Variants in GATA6 observed in about 807,000 individuals in gnomAD.
GATA6 encodes the protein transcription factor GATA-6.
Under a neutral mutation model 48.1 loss-of-function variants are expected in GATA6, and 11 were observed. The observed-to-expected ratio is 0.23, with a 90% CI of 0.14 to 0.38. The LOEUF (loss-of-function observed/expected upper bound fraction) is 0.38, where lower values mean the gene tolerates loss of function less well. GATA6 is among the 10% of genes least tolerant of loss of function. The pLI is 1.00. For missense variants in GATA6, 795 were observed against 850.3 expected, an observed-to-expected ratio of 0.93 and a Z score of 0.81; for synonymous variants, 419 against 396.1, an observed-to-expected ratio of 1.06 and a Z score of -0.69.
intron 2 of GATA6, 47 bp from the exon 3 acceptor site, chr18:22,176,908 G>T: frequency 1.3e-6 from 2 of 1,513,558 alleles, no homozygotes; most frequent in Non-Finnish European, 8.8e-7. Flanking sequence ...GGGGAGGGAC[G>T]GGTCCGGCGC....
intron 6 of GATA6, among the ~76,000 whole-genome samples, chr18:22,200,200 T>TGCGC (rs1555630699): frequency 4.7e-5 from 7 of 147,770 alleles, no homozygotes; most frequent in Non-Finnish European, 7.5e-5. Flanking sequence ...TGTGTGTGTG[T>TGCGC]GCGCGCGCAC....
intron 2 of GATA6, chr18:22,176,675 A>G: frequency 5.2e-6 from 2 of 382,376 alleles, no homozygotes; most frequent in South Asian, 2.9e-5. Flanking sequence ...CCCACCGCTC[A>G]TCTCGGACTC....
chr18:22,187,233 C>A (rs2033274007), intron 6 of GATA6, among the ~76,000 whole-genome samples: 1 of 152,126 alleles, frequency 6.6e-6, no homozygotes, highest in African/African-American at 2.4e-5. Flanking sequence ...TTAATCCCAG[C>A]ACTTTGGGAG....
chr18:22,175,949 T>TA (rs1321657368), intron 2 of GATA6, among the ~76,000 whole-genome samples: 1 of 152,232 alleles, frequency 6.6e-6, no homozygotes, highest in East Asian at 1.9e-4. Context: ...GGTCTATACT[T>TA]ACAATAAGTA....
At chr18:22,189,883 A>G (rs1035091210) in intron 6 of GATA6, among the ~76,000 whole-genome samples, 6 of 151,708 alleles carry the variant, frequency 4.0e-5, no homozygotes, top group Non-Finnish European at 5.9e-5. Context: ...TTTATTTTTT[A>G]CTCCTCCTTC....
rs2033216808 is a variant in GATA6, at chr18:22,182,936, G to A, written c.1517-4G>A. On this transcript the variant is annotated splice_region_variant and splice_polypyrimidine_tract_variant and intron_variant, in intron 5 of 6. Transcript: ENST00000269216. ...ATTTATAAGGTTTATTTTGACTGTTGCAGGTAATAGCAATAATTCCATTCC... is the reference window on the plus strand; with the variant it reads ...ATTTATAAGGTTTATTTTGACTGTTACAGGTAATAGCAATAATTCCATTCC... 3.7e-6 allele frequency: 6 copies of A among 1,611,594 alleles called. No individual in the cohort carries two copies. Among genetic ancestry groups the A allele is most frequent in the South Asian group, 2.2e-5 (2 of 91,028 alleles).
intron 6 of GATA6, 94 bp from the exon 7 acceptor site, chr18:22,200,562 C>G (rs2033447538): frequency 6.6e-7 from 1 of 1,512,318 alleles, no homozygotes; most frequent in Non-Finnish European, 9.2e-7. Context: ...CCTGGCTGCA[C>G]AGACCCGTTC....
Position 22,201,599 on chromosome 18 carries a change from A to T in GATA6, c.*776A>T, listed in dbSNP as rs1414745858. On this transcript the variant is annotated 3_prime_UTR_variant, in exon 7 of 7. Coordinates refer to ENST00000269216, the MANE Select transcript of GATA6 (RefSeq NM_005257.6). Reference sequence around the variant, plus strand: ...AAAATAATTTAAAAGAAAAATGTTAACTTAGACATTCTTATGCTTCTTTTA... The same window carrying T: ...AAAATAATTTAAAAGAAAAATGTTATCTTAGACATTCTTATGCTTCTTTTA... 2 of 152,690 alleles carry T rather than the reference A, an allele frequency of 1.3e-5. No homozygotes were observed. The highest frequency in any genetic ancestry group is 2.4e-5 in the African/African-American group (1 of 41,468). 9.5% of individuals were successfully genotyped at this position (152,690 alleles called of 1,614,324 possible).
chr18:22,184,502 AT>A (rs979216835), intron 6 of GATA6, among the ~76,000 whole-genome samples: 112 of 149,854 alleles, frequency 7.5e-4, no homozygotes, highest in East Asian at 1.4e-3. Context: ...AATAATAATT[AT>A]TTTTTTTTTG....
In GATA6 at chr18:22,176,973, C is replaced by A; in HGVS notation, c.1154C>A (p.Ser385Tyr). 6.4e-7 allele frequency: 1 copy of A among 1,562,366 alleles called. No individual in the cohort carries two copies. The highest frequency in any genetic ancestry group is 1.8e-5 in the Admixed American group (1 of 54,408). Residue 385 changes from serine (S) to tyrosine (Y), a missense_variant, in exon 3 of 7, where the codon TCC becomes TAC. Physicochemically the swap from Ser to Tyr is moderately radical, Grantham distance 144. Transcript: ENST00000269216. ...GCCGCAGACCTGCTGGAGGACCTGT[C>A]CGAGAGCCGCGAGTGCGTGAACTGC... ...GPSADLLEDL[S>Y]ESRECVNCGS...
At chr18:22,183,111 A>G in intron 6 of GATA6, 68 bp downstream of exon 6, 1 of 1,209,624 alleles carries the variant, frequency 8.3e-7, no homozygotes, top group Non-Finnish European at 1.2e-6. Context: ...CTCAAATTTT[A>G]TCTTATCTGG....
chr18:22,175,574 T>A (rs1382257541), intron 2 of GATA6: 1 of 152,238 alleles, frequency 6.6e-6, no homozygotes, highest in Non-Finnish European at 1.5e-5. Flanking sequence ...GTGTTGTAAG[T>A]TGCAGTATCC....
In GATA6 at chr18:22,200,817, G is replaced by GGCCTGAGCCCAC; in HGVS notation, c.1786_*9dup. 6.2e-7 allele frequency: 1 copy of GGCCTGAGCCCAC among 1,609,408 alleles called. No homozygotes were observed. The highest frequency in any genetic ancestry group is 8.5e-7 in the Non-Finnish European group (1 of 1,177,990). On this transcript the variant is annotated stop_gained and inframe_insertion, in exon 7 of 7. Coordinates refer to ENST00000269216, the MANE Select transcript of GATA6 (RefSeq NM_005257.6). LOFTEE classifies it high-confidence loss of function. ...CGGATTCCTGGTGCGCCCTGGCCCTGGCCTGAGCCCACGCCGCCAGGAGGC... is the reference window on the plus strand; with the variant it reads ...CGGATTCCTGGTGCGCCCTGGCCCTGGCCTGAGCCCACGCCTGAGCCCACGCCGCCAGGAGGC...
In GATA6 at chr18:22,170,828, G is replaced by A. The variant is rs1906867692; in HGVS notation, c.-37-280G>A. On this transcript the variant is annotated intron_variant, in intron 1 of 6. Transcript: ENST00000269216. The surrounding 1 kb of genome is among the most constrained non-coding windows in gnomAD (Gnocchi z 6.7). Reference sequence around the variant, plus strand: ...GGAGAAAGGATGCGGCCGAGGGGGTGGGCGGGGAGGACGCGGGGACCGGAG... The same window carrying A: ...GGAGAAAGGATGCGGCCGAGGGGGTAGGCGGGGAGGACGCGGGGACCGGAG... 2 of 474,514 alleles carry A rather than the reference G, an allele frequency of 4.2e-6. No individual in the cohort carries two copies. Among genetic ancestry groups the A allele is most frequent in the African/African-American group, 2.0e-5 (1 of 50,456 alleles). 29.4% of individuals were successfully genotyped at this position (474,514 alleles called of 1,614,324 possible).
At position 22,172,565 on chromosome 18, in the gene GATA6, C is replaced by T. The variant is rs1198704210; in HGVS notation, c.1135+286C>T. Among the ~76,000 whole-genome samples the T allele has an allele frequency of 1.3e-5, 2 of 152,102 alleles. No individual in the cohort carries two copies. The highest frequency in any genetic ancestry group is 2.9e-5 in the Non-Finnish European group (2 of 68,018). ...TTCGTGCCTTGGGGAAGCTCAGGGC[C>T]TTGATGAGTAGTGAATGGCATCTGC... On this transcript the variant is annotated intron_variant, in intron 2 of 6. Transcript: ENST00000269216. This position sits in a 1 kb window ranked among gnomAD's most constrained non-coding sequence, Gnocchi z 5.2.
At chr18:22,176,690 G>C in intron 2 of GATA6, 2 of 411,278 alleles carry the variant, frequency 4.9e-6, no homozygotes, top group South Asian at 5.7e-5. Context: ...GGACTCTGAC[G>C]TCCTCTGCTT....
At chr18:22,177,932 A>G (rs1395420951) in intron 3 of GATA6, among the ~76,000 whole-genome samples, 2 of 139,880 alleles carry the variant, frequency 1.4e-5, no homozygotes, top group East Asian at 4.0e-4. Context: ...CCCAATTCGC[A>G]CACGTTTTAC....
In GATA6 at chr18:22,177,058, C is replaced by T. The variant is rs772237616; in HGVS notation, c.1239C>T (p.Ala413=). The T allele has an allele frequency of 2.5e-6, 4 of 1,574,860 alleles. No individual in the cohort carries two copies. The South Asian group carries it at 4.6e-5, about 18-fold the overall frequency. Residue 413 remains alanine, a synonymous_variant, in exon 3 of 7, where the codon GCC becomes GCT. Transcript: ENST00000269216. ...RDGTGHYLCN[A]CGLYSKMNGL... Reference sequence around the variant, plus strand: ...GCACCGGCCACTACCTGTGCAACGCCTGCGGGCTCTACAGCAAGATGAACG... The same window carrying T: ...GCACCGGCCACTACCTGTGCAACGCTTGCGGGCTCTACAGCAAGATGAACG...
At chr18:22,200,543 A>G in intron 6 of GATA6, 113 bp from the exon 7 acceptor site, 1 of 1,335,836 alleles carries the variant, frequency 7.5e-7, no homozygotes, top group Non-Finnish European at 1.1e-6. Context: ...GCCCAGGAGC[A>G]GCTCTGGCCC....
Sources: gnomAD v4.1 joint callset for allele counts (sites outside exome capture counted in the v4.1 genomes callset) on GRCh38, gnomAD v4.1.1 for gene constraint, Gnocchi (gnomAD v3.1) non-coding constraint, MANE v1.5 for transcripts, NCBI Gene and HGNC (gene_info 2026-07-23, HGNC 2026-07-21) for gene names.